The following NUDCD1 variants were observed in gnomAD, a reference collection of about 807,000 sequenced individuals.
The protein encoded by NUDCD1 is NudC domain containing 1, also known as nudC domain-containing protein 1.
NUDCD1 carries 60 observed loss-of-function variants against 67.8 expected under a neutral mutation model. That is an observed-to-expected ratio of 0.88 (90% CI 0.72 to 1.10). The LOEUF (loss-of-function observed/expected upper bound fraction) is 1.10. NUDCD1 is among the 50% of genes least tolerant of loss of function. The probability of loss-of-function intolerance (pLI) is 0.00; values close to 1 mark genes in which losing one functional copy is unlikely to be tolerated. For missense variants in NUDCD1, 643 were observed against 695.0 expected (o/e 0.93, Z 0.84); for synonymous variants, 244 against 230.8 (o/e 1.06, Z -0.52).
intron 6 of NUDCD1, among the ~76,000 whole-genome samples, 158 bp downstream of exon 6, chr8:109,280,810 C>T (rs994497979): frequency 2.0e-5 from 3 of 152,056 alleles, no homozygotes; most frequent in Non-Finnish European, 4.4e-5. Context: ...GAAATATGCT[C>T]TTTGACACAG....
chr8:109,302,169 T>A (rs1311619789), intron 2 of NUDCD1, among the ~76,000 whole-genome samples: 1 of 152,148 alleles, frequency 6.6e-6, no homozygotes, highest in Non-Finnish European at 1.5e-5. Context: ...AAGCATCTTA[T>A]TTTCTTCTGC....
chr8:109,274,301 T>C lies in NUDCD1; in HGVS notation c.1173+1051A>G, dbSNP rs546880997. On this transcript the variant is annotated intron_variant, in intron 7 of 9. Transcript: ENST00000239690. ...TCATAATCTAACAAACACACTGGTG[T>C]TCAGGCATAAATAACTTTCTCATAA... Among the ~76,000 whole-genome samples, 38 of 152,290 alleles carry C rather than the reference T, an allele frequency of 2.5e-4. No homozygotes were observed. In the South Asian group the frequency reaches 6.8e-3, roughly 27 times the overall value.
intron 2 of NUDCD1, among the ~76,000 whole-genome samples, chr8:109,310,707 C>A (rs903363331): frequency 2.0e-5 from 3 of 151,410 alleles, no homozygotes; most frequent in African/African-American, 7.3e-5. Flanking sequence ...AGAAAATCTT[C>A]ACAATCTATA....
chr8:109,304,398 C>A (rs1206306761), intron 2 of NUDCD1, among the ~76,000 whole-genome samples: 3 of 152,154 alleles, frequency 2.0e-5, no homozygotes, highest in African/African-American at 7.2e-5. Flanking sequence ...TTATTGATGG[C>A]AGTTCCACTA....
intron 5 of NUDCD1, among the ~76,000 whole-genome samples, chr8:109,281,711 C>T (rs1814443165): frequency 6.6e-6 from 1 of 152,144 alleles, no homozygotes; most frequent in South Asian, 2.1e-4. Context: ...GCAGCCAGGC[C>T]CTATCCACTC....
At chr8:109,266,789 A>G (rs73700847) in intron 8 of NUDCD1, among the ~76,000 whole-genome samples, 3,155 of 152,244 alleles carry the variant, frequency 0.021, 103 homozygotes, top group African/African-American at 0.071. Context: ...GAAATATTAA[A>G]TATTCAGTTC....
chr8:109,258,938 C>G (rs1813802750), intron 8 of NUDCD1, among the ~76,000 whole-genome samples: 1 of 152,198 alleles, frequency 6.6e-6, no homozygotes, highest in East Asian at 1.9e-4. Flanking sequence ...TCAATATACT[C>G]TCACAATCCC....
intron 2 of NUDCD1, among the ~76,000 whole-genome samples, chr8:109,319,607 C>T (rs561359380): frequency 6.6e-6 from 1 of 152,130 alleles, no homozygotes; most frequent in Non-Finnish European, 1.5e-5. Context: ...TAAAAGTATG[C>T]TCCAGGTAGT....
At chr8:109,247,958 CT>C (rs1422210211) in intron 8 of NUDCD1, among the ~76,000 whole-genome samples, 1 of 152,092 alleles carries the variant, frequency 6.6e-6, no homozygotes, top group African/African-American at 2.4e-5. Context: ...GCAAAAGGGA[CT>C]TTGTAGATGT....
At chr8:109,315,223 T>C (rs928254357) in intron 2 of NUDCD1, 1 of 152,050 alleles carries the variant, frequency 6.6e-6, no homozygotes, top group Non-Finnish European at 1.5e-5. Flanking sequence ...TCAAAAAATG[T>C]TACTCCGAAA....
At chr8:109,331,668 T>G (rs1243393957) in intron 1 of NUDCD1, among the ~76,000 whole-genome samples, 1 of 152,192 alleles carries the variant, frequency 6.6e-6, no homozygotes, top group Non-Finnish European at 1.5e-5. Flanking sequence ...ATTCAATGGA[T>G]TGTTTATTGT....
At chr8:109,258,888 T>C (rs939345952) in intron 8 of NUDCD1, among the ~76,000 whole-genome samples, 3 of 152,162 alleles carry the variant, frequency 2.0e-5, no homozygotes. Flanking sequence ...AAGTCCATCA[T>C]AGGTAATAAT....
intron 1 of NUDCD1, 114 bp downstream of exon 1, chr8:109,333,779 C>G: frequency 1.7e-6 from 2 of 1,174,762 alleles, no homozygotes. Flanking sequence ...TCCACGCAAG[C>G]CGCCACGGTG....
intron 2 of NUDCD1, among the ~76,000 whole-genome samples, chr8:109,313,415 G>A: frequency 6.6e-6 from 1 of 152,078 alleles, no homozygotes; most frequent in East Asian, 1.9e-4. Flanking sequence ...ATCATGATAC[G>A]ACAGCACAAA....
chr8:109,269,947 A>G (rs1315825655), intron 8 of NUDCD1, among the ~76,000 whole-genome samples: 1 of 22,378 alleles, frequency 4.5e-5, no homozygotes, highest in Non-Finnish European at 7.0e-5. Flanking sequence ...TTCTAAATTA[A>G]AAAAAAAAAA....
chr8:109,276,907 C>T (rs534481944), intron 6 of NUDCD1, among the ~76,000 whole-genome samples: 1 of 152,252 alleles, frequency 6.6e-6, no homozygotes, highest in East Asian at 1.9e-4. Flanking sequence ...AAGTGATCTG[C>T]CTGCCTTGGT....
Position 109,271,049 on chromosome 8 carries a change from T to G in NUDCD1, c.1255A>C (p.Ser419Arg), listed in dbSNP as rs769263199. The G allele has an allele frequency of 1.3e-6, 2 of 1,597,058 alleles. No individual in the cohort carries two copies. Among genetic ancestry groups the G allele is most frequent in the South Asian group, 2.2e-5 (2 of 89,478 alleles). Residue 419 changes from serine to arginine, a missense_variant, in exon 8 of 10, where the codon AGT becomes CGT. Transcript: ENST00000239690. ...ECDIFFEESS[S>R]LCRFDGNTLK... is the part of the protein sequence containing the mutation. Reference sequence around the variant, plus strand: ...GTATTGCCATCAAATCTGCATAAACTGGAGCTCTCTTCAAAGAAAATATCA... The same window carrying G: ...GTATTGCCATCAAATCTGCATAAACGGGAGCTCTCTTCAAAGAAAATATCA...
intron 4 of NUDCD1, among the ~76,000 whole-genome samples, chr8:109,293,022 G>A (rs559887356): frequency 6.6e-6 from 1 of 151,786 alleles, no homozygotes; most frequent in East Asian, 1.9e-4. Flanking sequence ...TTAGGTATAT[G>A]TTTCTGTGTA....
At chr8:109,332,374 A>T (rs1815824871) in intron 1 of NUDCD1, among the ~76,000 whole-genome samples, 1 of 152,218 alleles carries the variant, frequency 6.6e-6, no homozygotes, top group Admixed American at 6.5e-5. Flanking sequence ...GCTAAAAGAA[A>T]TAAACCCCAA....
Sources: allele counts gnomAD v4.1 joint callset (sites outside exome capture counted in the v4.1 genomes callset), GRCh38; gene constraint gnomAD v4.1.1; transcripts MANE v1.5; gene names NCBI Gene and HGNC (gene_info 2026-07-23, HGNC 2026-07-21).